The following SSBP3 variants were observed in gnomAD, a reference collection of about 807,000 sequenced individuals.
The protein encoded by SSBP3 is single-stranded DNA-binding protein 3.
In SSBP3, 5 loss-of-function variants were observed where a neutral mutation model predicts 69.6. The ratio of observed to expected loss-of-function variants is 0.07; its 90% confidence interval spans 0.04 to 0.15. The LOEUF is 0.15. SSBP3 is among the 10% of genes least tolerant of loss of function. The pLI, the probability that SSBP3 is intolerant of heterozygous loss-of-function variation, is 1.00. For missense variants in SSBP3, 312 were observed against 534.0 expected, an observed-to-expected ratio of 0.58 and a Z score of 4.10; for synonymous variants, 196 against 193.4, an observed-to-expected ratio of 1.01 and a Z score of -0.11.
intron 4 of SSBP3, among the ~76,000 whole-genome samples, chr1:54,303,007 G>T (rs957553919): frequency 2.0e-5 from 3 of 152,212 alleles, no homozygotes; most frequent in Admixed American, 6.5e-5. Flanking sequence ...AGACGAGACA[G>T]ACACGTGAAA....
chr1:54,342,107 G>A (rs140824413), intron 4 of SSBP3, among the ~76,000 whole-genome samples: 5 of 152,332 alleles, frequency 3.3e-5, no homozygotes, highest in Non-Finnish European at 5.9e-5. Context: ...GTTTCCCTGC[G>A]GAGAGCACCA....
chr1:54,383,648 CAA>C, intron 4 of SSBP3, among the ~76,000 whole-genome samples: 1 of 152,010 alleles, frequency 6.6e-6, no homozygotes, highest in Non-Finnish European at 1.5e-5. Context: ...ACAGGGTGTT[CAA>C]TAATAAAATA....
At chr1:54,377,802 T>C (rs1647298695) in intron 4 of SSBP3, among the ~76,000 whole-genome samples, 1 of 152,136 alleles carries the variant, frequency 6.6e-6, no homozygotes, top group Non-Finnish European at 1.5e-5. Context: ...ATGACAGCAT[T>C]TAAGACACTG....
At chr1:54,261,196 G>C (rs1162416256) in intron 5 of SSBP3, among the ~76,000 whole-genome samples, 2 of 152,216 alleles carry the variant, frequency 1.3e-5, no homozygotes, top group African/African-American at 2.4e-5. Context: ...GCAGAGATCC[G>C]TGTTTGTGGA....
chr1:54,405,045 C>A lies in SSBP3; in HGVS notation c.57-115G>T, dbSNP rs1039051784. On this transcript the variant is annotated intron_variant, in intron 1 of 17. Transcript: ENST00000610401. ...CTGTCTGCGCCGTCCCATTGTGGCC[C>A]CGACCAGAGGTAAGCAGCTAGCTCA... The A allele has an allele frequency of 1.5e-5, 14 of 924,980 alleles. No homozygotes were observed. The African/African-American group carries it at 2.1e-4, about 14-fold the overall frequency. The allele number at this position is 924,980 out of a possible 1,614,324, so 57.3% of individuals were successfully genotyped here.
At chr1:54,362,196 G>A (rs1646961274) in intron 4 of SSBP3, among the ~76,000 whole-genome samples, 6 of 152,190 alleles carry the variant, frequency 3.9e-5, no homozygotes, top group Admixed American at 3.9e-4. Context: ...CCTTTTCTCA[G>A]TATTCATTCA....
At chr1:54,405,250 C>T (rs1423514972) in intron 1 of SSBP3, among the ~76,000 whole-genome samples, 1 of 152,220 alleles carries the variant, frequency 6.6e-6, no homozygotes, top group Non-Finnish European at 1.5e-5. Flanking sequence ...CCTTGCCTTT[C>T]CCGACCCACT....
chr1:54,283,131 G>C (rs1431032886), intron 4 of SSBP3, among the ~76,000 whole-genome samples: 1 of 152,134 alleles, frequency 6.6e-6, no homozygotes, highest in Admixed American at 6.5e-5. Context: ...GCTGGATGTG[G>C]TGGTGGGCGC....
intron 4 of SSBP3, among the ~76,000 whole-genome samples, chr1:54,307,889 T>C (rs1339101845): frequency 6.6e-6 from 1 of 152,192 alleles, no homozygotes; most frequent in Non-Finnish European, 1.5e-5. Flanking sequence ...ACCATAAAAA[T>C]GAGCAATCAG....
In SSBP3 at chr1:54,241,322, G is replaced by A. The variant is rs1644633927; in HGVS notation, c.801+152C>T. 7 of 943,728 alleles carry A rather than the reference G, an allele frequency of 7.4e-6. No individual in the cohort carries two copies. The Admixed American group carries it at 1.3e-4, about 17-fold the overall frequency. 58.5% of individuals were successfully genotyped at this position (943,728 alleles called of 1,614,324 possible). Reference sequence around the variant, plus strand: ...TTCTGGGCCACCTTGGGTCTGTACAGATGACTGAATATTGACAGCAAGTTC... The same window carrying A: ...TTCTGGGCCACCTTGGGTCTGTACAAATGACTGAATATTGACAGCAAGTTC... On this transcript the variant is annotated intron_variant, in intron 12 of 17. Transcript: ENST00000610401.
chr1:54,324,417 T>C (rs1315588853), intron 4 of SSBP3, among the ~76,000 whole-genome samples: 2 of 151,610 alleles, frequency 1.3e-5, no homozygotes, highest in African/African-American at 2.4e-5. Context: ...CTGACGACAG[T>C]CCCCACCCCC....
chr1:54,286,702 C>G (rs1461216769), intron 4 of SSBP3: 2 of 152,322 alleles, frequency 1.3e-5, no homozygotes, highest in African/African-American at 4.8e-5. Context: ...TATTCCCCCT[C>G]TAACCTCCAG....
intron 14 of SSBP3, among the ~76,000 whole-genome samples, chr1:54,233,484 G>GA (rs1317934058): frequency 2.0e-5 from 3 of 151,188 alleles, no homozygotes; most frequent in Admixed American, 6.6e-5. Flanking sequence ...GTCTGGGAGG[G>GA]AGGTGGGGGG....
intron 4 of SSBP3, among the ~76,000 whole-genome samples, chr1:54,291,483 A>G (rs1250471359): frequency 9.4e-6 from 1 of 106,808 alleles, no homozygotes; most frequent in Non-Finnish European, 2.3e-5. Flanking sequence ...CCCAGCGCAC[A>G]GTTGCCACAC....
At chr1:54,325,965 C>G (rs943782945) in intron 4 of SSBP3, among the ~76,000 whole-genome samples, 1 of 151,754 alleles carries the variant, frequency 6.6e-6, no homozygotes, top group Non-Finnish European at 1.5e-5. Flanking sequence ...CCCGCCACCC[C>G]CCACCCAGCA....
At chr1:54,401,311 T>G (rs1649274496) in intron 4 of SSBP3, among the ~76,000 whole-genome samples, 1 of 152,144 alleles carries the variant, frequency 6.6e-6, no homozygotes, top group Non-Finnish European at 1.5e-5. Context: ...CACAAGATTA[T>G]GAACTAGCTG....
chr1:54,227,324 C>T (rs575291613), intron 17 of SSBP3, among the ~76,000 whole-genome samples, 164 bp from the exon 18 acceptor site: 6 of 152,116 alleles, frequency 3.9e-5, no homozygotes, highest in African/African-American at 4.8e-5. Flanking sequence ...GGCAGGGGGC[C>T]GGTAGGGCAG....
chr1:54,325,452 G>A (rs1199463623), intron 4 of SSBP3: 2 of 167,158 alleles, frequency 1.2e-5, no homozygotes, highest in African/African-American at 4.8e-5. Flanking sequence ...GGAGTGGAAG[G>A]TGGGAAAAAG....
At chr1:54,408,360 C>T (rs1475287085), upstream of SSBP3, among the ~76,000 whole-genome samples, 1 of 152,240 alleles carries the variant, frequency 6.6e-6, no homozygotes, top group African/African-American at 2.4e-5. Flanking sequence ...TTAGAGCCCA[C>T]ACTAATTAAA....
Sources: gnomAD v4.1 joint callset for allele counts (sites outside exome capture counted in the v4.1 genomes callset) on GRCh38, gnomAD v4.1.1 for gene constraint, MANE v1.5 for transcripts, NCBI Gene and HGNC (gene_info 2026-07-23, HGNC 2026-07-21) for gene names.